The following ATRN variants were observed in gnomAD, a reference collection of about 807,000 sequenced individuals.
ATRN encodes attractin-2.
In ATRN, 54 loss-of-function variants were observed where a neutral mutation model predicts 178.7. That is an observed-to-expected ratio of 0.30 (90% CI 0.24 to 0.38). The LOEUF (loss-of-function observed/expected upper bound fraction) is 0.38. Ranked by LOEUF, ATRN falls within the 10% of genes least tolerant of loss-of-function variation. ATRN has a pLI of 1.00. For synonymous variants in ATRN, 636 were observed against 663.0 expected, an observed-to-expected ratio of 0.96 and a Z score of 0.63; for missense variants, 1,443 against 1,815.1, an observed-to-expected ratio of 0.79 and a Z score of 3.73.
At chr20:3,490,709 A>G (rs1051806739) in intron 1 of ATRN, 2 of 800,948 alleles carry the variant, frequency 2.5e-6, no homozygotes, top group African/African-American at 3.4e-5. Flanking sequence ...ACATTGGCAC[A>G]CAGATCTCAT....
chr20:3,519,006 T>TATAAAAAAAAAAAAAAAAAAAAA (rs770584938), intron 1 of ATRN, among the ~76,000 whole-genome samples: 8 of 119,482 alleles, frequency 6.7e-5, no homozygotes, highest in African/African-American at 1.0e-4. Context: ...TCCTTATATA[T>TATAAAAAAAAAAAAAAAAAAAAA]AAAAAAAAAA....
At chr20:3,528,632 A>G (rs1167528648) in intron 1 of ATRN, among the ~76,000 whole-genome samples, 2 of 152,106 alleles carry the variant, frequency 1.3e-5, no homozygotes, top group East Asian at 3.9e-4. Context: ...ACTGCCTTTC[A>G]GGTATTACGC....
chr20:3,478,166 C>T (rs147883106), intron 1 of ATRN, among the ~76,000 whole-genome samples: 2 of 152,282 alleles, frequency 1.3e-5, no homozygotes, highest in East Asian at 3.9e-4. Context: ...TTCTGTTGCA[C>T]TTTTACTGTT....
intron 1 of ATRN, among the ~76,000 whole-genome samples, chr20:3,513,115 A>G (rs1006662954): frequency 1.1e-4 from 16 of 152,276 alleles, no homozygotes; most frequent in Admixed American, 2.6e-4. Context: ...TAGTTTAATT[A>G]GATCCCATTT....
chr20:3,512,102 TATA>T (rs1192802439), intron 1 of ATRN, among the ~76,000 whole-genome samples: 3 of 126,884 alleles, frequency 2.4e-5, no homozygotes, highest in African/African-American at 3.5e-5. Flanking sequence ...TATATATATA[TATA>T]TATTTTTTTT....
At chr20:3,549,901 G>C (rs2085762302) in intron 6 of ATRN, among the ~76,000 whole-genome samples, 2 of 152,248 alleles carry the variant, frequency 1.3e-5, no homozygotes, top group South Asian at 4.2e-4. Context: ...AAAAAACCCA[G>C]CATCTGTTCA....
In ATRN at chr20:3,584,699, C is replaced by T. The variant is rs777015312; in HGVS notation, c.3003C>T (p.Gly1001=). The change falls in exon 18 of 29, where the codon GGC becomes GGT. Residue 1001 remains glycine (G), a synonymous_variant. Transcript: ENST00000262919. ...CTCSHCLEQP[G]CGWCTDPSNT... ...GTAGTCATTGCTTGGAGCAACCAGGCTGTGGCTGGTGTACTGATCCCAGCA... is the reference window on the plus strand; with the variant it reads ...GTAGTCATTGCTTGGAGCAACCAGGTTGTGGCTGGTGTACTGATCCCAGCA... The T allele has an allele frequency of 5.0e-6, 8 of 1,613,864 alleles. No individual in the cohort carries two copies.
At chr20:3,472,298 G>A (rs982868936) in intron 1 of ATRN, among the ~76,000 whole-genome samples, 2 of 152,202 alleles carry the variant, frequency 1.3e-5, no homozygotes, top group East Asian at 1.9e-4. Flanking sequence ...AGACAGATTA[G>A]CCAGACTTTG....
chr20:3,485,391 C>T (rs914743909), intron 1 of ATRN, among the ~76,000 whole-genome samples: 2 of 152,006 alleles, frequency 1.3e-5, no homozygotes, highest in African/African-American at 4.8e-5. Context: ...GGTCTTGATC[C>T]TGACTTTAAA....
At chr20:3,549,573 ATGT>A (rs2085758697) in intron 6 of ATRN, among the ~76,000 whole-genome samples, 1 of 152,164 alleles carries the variant, frequency 6.6e-6, no homozygotes, top group Non-Finnish European at 1.5e-5. Flanking sequence ...ACTGTCTCTG[ATGT>A]TTTGCTTTAA....
At chr20:3,501,453 G>A (rs1046500240) in intron 1 of ATRN, among the ~76,000 whole-genome samples, 10 of 152,150 alleles carry the variant, frequency 6.6e-5, no homozygotes, top group Admixed American at 1.3e-4. Flanking sequence ...CTTATTTCAT[G>A]TTGGGGTCAA....
intron 24 of ATRN, among the ~76,000 whole-genome samples, chr20:3,609,728 G>A (rs908457910): frequency 1.3e-5 from 2 of 149,858 alleles, no homozygotes; most frequent in African/African-American, 5.0e-5. Flanking sequence ...GTGTGTGTGT[G>A]TGTGTGTGTG....
At chr20:3,494,064 G>A (rs6051896) in intron 1 of ATRN, among the ~76,000 whole-genome samples, 7,846 of 152,202 alleles carry the variant, frequency 0.052, 614 homozygotes, top group African/African-American at 0.17. Flanking sequence ...AGTTTACCAC[G>A]GAGAAGGCAT....
intron 1 of ATRN, among the ~76,000 whole-genome samples, chr20:3,503,980 C>T (rs1004707200): frequency 2.6e-5 from 4 of 152,092 alleles, no homozygotes; most frequent in Non-Finnish European, 4.4e-5. Flanking sequence ...GATGCATTAC[C>T]TATAGGGAAC....
At chr20:3,529,439 G>T (rs1366500344) in intron 1 of ATRN, among the ~76,000 whole-genome samples, 1 of 152,188 alleles carries the variant, frequency 6.6e-6, no homozygotes, top group Non-Finnish European at 1.5e-5. Flanking sequence ...CGTAATCCAA[G>T]TGTCCACCAA....
At chr20:3,532,241 A>G (rs1178754404) in intron 1 of ATRN, among the ~76,000 whole-genome samples, 1 of 152,258 alleles carries the variant, frequency 6.6e-6, no homozygotes, top group Admixed American at 6.5e-5. Context: ...GAAGCAGCAT[A>G]GTGGAGAGCC....
chr20:3,485,239 C>T (rs2084674127), intron 1 of ATRN, among the ~76,000 whole-genome samples: 1 of 152,124 alleles, frequency 6.6e-6, no homozygotes, highest in African/African-American at 2.4e-5. Context: ...TGTGGATTCT[C>T]CTGTTCCCCA....
chr20:3,534,634 A>G (rs2085498427), intron 1 of ATRN, among the ~76,000 whole-genome samples: 1 of 152,200 alleles, frequency 6.6e-6, no homozygotes, highest in Non-Finnish European at 1.5e-5. Flanking sequence ...AGCCATGATG[A>G]AGGAAATAGC....
chr20:3,544,279 G>A (rs2085666527), intron 3 of ATRN, among the ~76,000 whole-genome samples: 1 of 152,180 alleles, frequency 6.6e-6, no homozygotes, highest in Non-Finnish European at 1.5e-5. Context: ...AGTGACTCAT[G>A]CAGTCAGATT....
Sources: gnomAD v4.1 joint callset for allele counts (sites outside exome capture counted in the v4.1 genomes callset) on GRCh38, gnomAD v4.1.1 for gene constraint, MANE v1.5 for transcripts, NCBI Gene and HGNC (gene_info 2026-07-23, HGNC 2026-07-21) for gene names.